The following PRDM16 variants were observed in gnomAD, a reference collection of about 807,000 sequenced individuals.
The protein encoded by PRDM16 is PR/SET domain 16, also known as histone-lysine N-methyltransferase PRDM16.
A neutral mutation model predicts 110.6 loss-of-function variants in PRDM16; 23 were observed. That is an observed-to-expected ratio of 0.21 (90% CI 0.15 to 0.29). The LOEUF is 0.29. PRDM16 is among the 10% of genes least tolerant of loss of function. PRDM16 has a pLI of 1.00. For missense variants in PRDM16, 1,615 were observed against 1,794.3 expected, an observed-to-expected ratio of 0.90 and a Z score of 1.81; for synonymous variants, 799 against 781.8, an observed-to-expected ratio of 1.02 and a Z score of -0.37.
At chr1:3,422,523 G>A (rs1175123606) in intron 12 of PRDM16, among the ~76,000 whole-genome samples, 1 of 152,258 alleles carries the variant, frequency 6.6e-6, no homozygotes, top group East Asian at 1.9e-4. Flanking sequence ...GAGACGCAGA[G>A]TCCAGTGTGT....
chr1:3,215,100 C>T (rs1638988701), intron 2 of PRDM16, among the ~76,000 whole-genome samples: 1 of 152,188 alleles, frequency 6.6e-6, no homozygotes, highest in African/African-American at 2.4e-5. Flanking sequence ...CCATCTGCTT[C>T]CCCATCGCTG....
intron 2 of PRDM16, among the ~76,000 whole-genome samples, chr1:3,228,147 G>A (rs1045393377): frequency 7.2e-5 from 11 of 152,360 alleles, no homozygotes; most frequent in Admixed American, 2.6e-4. Context: ...GAGAGTCCCC[G>A]GAGGGATGTG....
chr1:3,165,258 G>A (rs1213570090), intron 1 of PRDM16, among the ~76,000 whole-genome samples: 2 of 140,498 alleles, frequency 1.4e-5, no homozygotes, highest in Admixed American at 1.4e-4. Context: ...CCTGGGCTCA[G>A]GGACAGGGAT....
rs1639736548 is a variant in PRDM16, at chr1:3,244,193, C to T, written c.438+56C>T. ...TCCCCAGCGTCCTCGGAGCTCCTGG[C>T]GGGGCGACCGCCATCCCAGCTGTCC... is the stretch of plus-strand genomic sequence containing the variant. On this transcript the variant is annotated intron_variant, in intron 3 of 16. Coordinates refer to ENST00000270722, the MANE Select transcript of PRDM16 (RefSeq NM_022114.4). This position sits in a 1 kb window ranked among gnomAD's most constrained non-coding sequence, Gnocchi z 4.1. 11 of 1,527,468 alleles carry T rather than the reference C, an allele frequency of 7.2e-6. No individual in the cohort carries two copies. Among genetic ancestry groups the T allele is most frequent in the Admixed American group, 1.7e-5 (1 of 59,698 alleles). 94.6% of individuals were successfully genotyped at this position (1,527,468 alleles called of 1,614,324 possible).
chr1:3,436,046 T>G lies in PRDM16; in HGVS notation c.*2235T>G. On this transcript the variant is annotated 3_prime_UTR_variant, in exon 17 of 17. Coordinates refer to ENST00000270722, the MANE Select transcript of PRDM16 (RefSeq NM_022114.4). ...GGCCTTCTCACGCGTTTCCACAACA[T>G]CCCCTGGGTCAGACCCACCAGGTAC... The G allele has an allele frequency of 1.3e-5, 3 of 230,412 alleles. No individual in the cohort carries two copies. The highest frequency in any genetic ancestry group is 2.6e-5 in the Non-Finnish European group (3 of 116,358). The allele number at this position is 230,412 out of a possible 1,614,324, so 14.3% of individuals were successfully genotyped here. A position where few individuals can be genotyped will look rare whatever the true frequency, so the allele number is the denominator to read the frequency against.
chr1:3,226,240 C>G (rs2100875712), intron 2 of PRDM16, among the ~76,000 whole-genome samples: 1 of 152,344 alleles, frequency 6.6e-6, no homozygotes, highest in Non-Finnish European at 1.5e-5. Context: ...TGCACTTTTA[C>G]AACCTAATAA....
Position 3,324,823 on chromosome 1 carries a change from G to A in PRDM16, c.439-60329G>A, listed in dbSNP as rs181848507. On this transcript the variant is annotated intron_variant, in intron 3 of 16. Coordinates refer to ENST00000270722, the MANE Select transcript of PRDM16 (RefSeq NM_022114.4). Reference sequence around the variant, plus strand: ...AGTGAGCAGATCAGCTGTGGGACTCGGCGGGTCGTGGGCAGCACATCTGAC... The same window carrying A: ...AGTGAGCAGATCAGCTGTGGGACTCAGCGGGTCGTGGGCAGCACATCTGAC... 4.6e-5 allele frequency among the ~76,000 whole-genome samples: 7 copies of A among 151,830 alleles called. No individual in the cohort carries two copies. The East Asian group carries it at 5.9e-4, about 13-fold the overall frequency.
chr1:3,251,675 A>G (rs1160267458), intron 3 of PRDM16, among the ~76,000 whole-genome samples: 1 of 152,146 alleles, frequency 6.6e-6, no homozygotes, highest in African/African-American at 2.4e-5. Flanking sequence ...AGCAGGGTGC[A>G]AGGGGAGGCC....
At chr1:3,352,264 C>G (rs1294867133) in intron 3 of PRDM16, among the ~76,000 whole-genome samples, 2 of 152,156 alleles carry the variant, frequency 1.3e-5, no homozygotes, top group African/African-American at 4.8e-5. Flanking sequence ...CCCCCACCTG[C>G]GGACTGATTC....
rs754951137 is a variant in PRDM16 at position 3,411,533 on chromosome 1, G to A, written c.1336G>A (p.Glu446Lys). Residue 446 changes from glutamate (E) to lysine (K), a missense_variant, in exon 9 of 17, where the codon GAG becomes AAG. Glu to Lys is a moderately conservative substitution (Grantham distance 56). Transcript: ENST00000270722. ...CCTCAACAAGCACCGGCGCTTCTGC[G>A]AGGGCAAGAACCATTACACGCCGGG... is the stretch of plus-strand genomic sequence containing the variant. Reference protein sequence around the residue: ...SSLNKHRRFCEGKNHYTPGGI... With the variant: ...SSLNKHRRFCKGKNHYTPGGI... 1.2e-6 allele frequency: 2 copies of A among 1,614,180 alleles called. No individual in the cohort carries two copies. Among genetic ancestry groups the A allele is most frequent in the South Asian group, 1.1e-5 (1 of 91,086 alleles).
intron 3 of PRDM16, among the ~76,000 whole-genome samples, chr1:3,354,195 C>T (rs1343493694): frequency 6.6e-6 from 1 of 152,180 alleles, no homozygotes; most frequent in Non-Finnish European, 1.5e-5. Flanking sequence ...TGTGGCGGCT[C>T]AGGCCTGTAA....
chr1:3,075,740 C>T (rs552925082), intron 1 of PRDM16, among the ~76,000 whole-genome samples: 12 of 152,398 alleles, frequency 7.9e-5, no homozygotes, highest in Non-Finnish European at 1.5e-4. Context: ...AACCTGCACA[C>T]GCACCTCTCA....
chr1:3,214,038 T>C (rs1050742208), intron 2 of PRDM16, among the ~76,000 whole-genome samples: 1 of 151,998 alleles, frequency 6.6e-6, no homozygotes, highest in African/African-American at 2.4e-5. Flanking sequence ...GCCATCCTTC[T>C]CCCACCACAG....
intron 1 of PRDM16, among the ~76,000 whole-genome samples, chr1:3,070,035 G>T (rs1309183032): frequency 1.3e-5 from 2 of 152,130 alleles, no homozygotes; most frequent in East Asian, 3.9e-4. Context: ...GACGCCGGCA[G>T]CCTGCGCGGG....
intron 1 of PRDM16, among the ~76,000 whole-genome samples, chr1:3,113,474 G>C (rs1016005052): frequency 6.7e-6 from 1 of 150,228 alleles, no homozygotes; most frequent in African/African-American, 2.5e-5. Context: ...AGAGAGGAAG[G>C]CTCGGAGGAA....
intron 3 of PRDM16, chr1:3,308,176 A>G (rs1420578876): frequency 6.6e-6 from 1 of 152,228 alleles, no homozygotes; most frequent in Non-Finnish European, 1.5e-5. Context: ...CTCAAGGGGA[A>G]ATCAGACACC....
chr1:3,120,972 G>A (rs1423274052), intron 1 of PRDM16, among the ~76,000 whole-genome samples: 1 of 152,250 alleles, frequency 6.6e-6, no homozygotes, highest in Non-Finnish European at 1.5e-5. Flanking sequence ...TTTGGGTTTG[G>A]ATTGGAAACA....
chr1:3,387,321 A>T (rs1313635570), intron 4 of PRDM16, among the ~76,000 whole-genome samples: 1 of 152,132 alleles, frequency 6.6e-6, no homozygotes, highest in African/African-American at 2.4e-5. Context: ...TCTCTCCAAC[A>T]CCGCCTCAAG....
At chr1:3,367,093 C>T (rs1289233957) in intron 3 of PRDM16, among the ~76,000 whole-genome samples, 2 of 152,172 alleles carry the variant, frequency 1.3e-5, no homozygotes, top group South Asian at 2.1e-4. Context: ...CATGGTGAAA[C>T]GTCATCTCTA....
Sources: gnomAD v4.1 joint callset for allele counts (sites outside exome capture counted in the v4.1 genomes callset) on GRCh38, gnomAD v4.1.1 for gene constraint, Gnocchi (gnomAD v3.1) non-coding constraint, MANE v1.5 for transcripts, NCBI Gene and HGNC (gene_info 2026-07-23, HGNC 2026-07-21) for gene names.